Variants in FBXO34 observed in about 807,000 individuals in gnomAD.
The protein encoded by FBXO34 is F-box only protein 34.
Under a neutral mutation model 24.5 loss-of-function variants are expected in FBXO34, and 12 were observed. The ratio of observed to expected loss-of-function variants is 0.49; its 90% CI spans 0.31 to 0.79. The LOEUF is 0.79. FBXO34 is among the 30% of genes least tolerant of loss of function. The pLI, the probability that FBXO34 is intolerant of heterozygous loss-of-function variation, is 0.04. For missense variants in FBXO34, 823 were observed against 857.7 expected (o/e 0.96, Z 0.51); for synonymous variants, 320 against 311.9 (o/e 1.03, Z -0.27).
At chr14:55,385,726 G>C in the FBXO34 span, 2 of 853,124 alleles carry the variant, frequency 2.3e-6, no homozygotes, top group South Asian at 3.6e-5. Flanking sequence ...TGTTGAAACA[G>C]ATAAGACTTA....
chr14:55,327,130 A>G (rs1373471275), intron 1 of FBXO34, among the ~76,000 whole-genome samples: 2 of 152,214 alleles, frequency 1.3e-5, no homozygotes, highest in African/African-American at 4.8e-5. Context: ...CTAAGATGAC[A>G]TTGAGCAAAA....
the FBXO34 span, among the ~76,000 whole-genome samples, chr14:55,403,833 A>G: frequency 3.3e-5 from 5 of 152,194 alleles, no homozygotes; most frequent in African/African-American, 1.2e-4. Context: ...TATTTCTACA[A>G]TGTTTGAGCT....
chr14:55,410,120 T>A, the FBXO34 span, among the ~76,000 whole-genome samples: 2 of 152,226 alleles, frequency 1.3e-5, no homozygotes, highest in Non-Finnish European at 2.9e-5. Flanking sequence ...AGATTGACAT[T>A]TACTGGGTTG....
At chr14:55,411,648 C>G in the FBXO34 span, 1 of 1,613,272 alleles carries the variant, frequency 6.2e-7, no homozygotes, top group Admixed American at 1.7e-5. Flanking sequence ...CCGCTCTGAA[C>G]GCATTTGGCG....
At chr14:55,411,942 G>GC in the FBXO34 span, 1 of 894,458 alleles carries the variant, frequency 1.1e-6, no homozygotes, top group Non-Finnish European at 1.7e-6. Context: ...GGACCCCTCC[G>GC]CCGCCGCGTG....
intron 1 of FBXO34, among the ~76,000 whole-genome samples, chr14:55,276,850 T>C (rs1201599639): frequency 6.6e-6 from 1 of 152,154 alleles, no homozygotes; most frequent in Admixed American, 6.6e-5. Context: ...AATTGCATTC[T>C]TGGATGTGCT....
the FBXO34 span, among the ~76,000 whole-genome samples, chr14:55,387,429 G>GC: frequency 2.6e-5 from 4 of 152,006 alleles, no homozygotes; most frequent in Non-Finnish European, 4.4e-5. Context: ...ATTCAGGAAG[G>GC]CCCCCCTCCA....
chr14:55,276,339 A>G (rs996137970), intron 1 of FBXO34, among the ~76,000 whole-genome samples: 4 of 152,080 alleles, frequency 2.6e-5, no homozygotes, highest in South Asian at 2.1e-4. Context: ...CACCACCCCT[A>G]TATTGTTAGT....
the FBXO34 span, among the ~76,000 whole-genome samples, chr14:55,375,555 G>A: frequency 3.5e-5 from 5 of 144,682 alleles, no homozygotes; most frequent in African/African-American, 7.7e-5. Flanking sequence ...TGTTGCCCAG[G>A]CTGGTCTTGA....
downstream of FBXO34, chr14:55,368,970 AAAG>A (rs1299546507): frequency 1.3e-5 from 2 of 152,604 alleles, no homozygotes; most frequent in African/African-American, 2.4e-5. Flanking sequence ...TGTGGGTCCT[AAAG>A]AAAAAGACTT....
At chr14:55,298,227 T>A (rs1230006782) in intron 1 of FBXO34, among the ~76,000 whole-genome samples, 1 of 152,102 alleles carries the variant, frequency 6.6e-6, no homozygotes, top group Non-Finnish European at 1.5e-5. Context: ...GCGTTTTTTT[T>A]TAAGCTCATC....
chr14:55,336,965 CTT>C (rs983138743), intron 1 of FBXO34, among the ~76,000 whole-genome samples: 16 of 133,204 alleles, frequency 1.2e-4, no homozygotes, highest in Non-Finnish European at 2.0e-4. Flanking sequence ...TCTCTTCACT[CTT>C]TTTTTTATTT....
At chr14:55,300,030 A>G (rs1317849801) in intron 1 of FBXO34, among the ~76,000 whole-genome samples, 1 of 152,214 alleles carries the variant, frequency 6.6e-6, no homozygotes, top group Admixed American at 6.5e-5. Flanking sequence ...CTTGTCTTTT[A>G]AAGATACAGA....
intron 1 of FBXO34, among the ~76,000 whole-genome samples, chr14:55,293,414 C>T (rs186455575): frequency 4.9e-4 from 74 of 152,274 alleles, no homozygotes; most frequent in Non-Finnish European, 9.0e-4. Flanking sequence ...GAACTTTGAC[C>T]TCAAGGGTTC....
intron 1 of FBXO34, among the ~76,000 whole-genome samples, chr14:55,331,755 A>G (rs1183736009): frequency 1.7e-5 from 1 of 60,308 alleles, no homozygotes; most frequent in African/African-American, 2.2e-4. Context: ...GTATATATAT[A>G]TATATGTATA....
chr14:55,362,507 G>C (rs895054261), downstream of FBXO34, among the ~76,000 whole-genome samples: 2 of 152,048 alleles, frequency 1.3e-5, no homozygotes, highest in African/African-American at 4.8e-5. Context: ...GTGTGACAAA[G>C]CAAAGCGCAA....
At chr14:55,397,586 C>G in the FBXO34 span, 2 of 646,582 alleles carry the variant, frequency 3.1e-6, no homozygotes, top group East Asian at 2.7e-5. Context: ...GGGGTGCACA[C>G]AACTGCTAAC....
chr14:55,322,670 A>G (rs1291474311), intron 1 of FBXO34, among the ~76,000 whole-genome samples: 2 of 152,046 alleles, frequency 1.3e-5, no homozygotes, highest in Admixed American at 1.3e-4. Context: ...TGCATATTGC[A>G]AATATTATTG....
At chr14:55,357,335 A>G (rs1240325452), downstream of FBXO34, among the ~76,000 whole-genome samples, 1 of 152,230 alleles carries the variant, frequency 6.6e-6, no homozygotes, top group Non-Finnish European at 1.5e-5. Context: ...AGCCCATGTA[A>G]GAGGTGATGT....
Sources: allele counts gnomAD v4.1 joint callset (sites outside exome capture counted in the v4.1 genomes callset), GRCh38; gene constraint gnomAD v4.1.1; transcripts MANE v1.5; gene names NCBI Gene and HGNC (gene_info 2026-07-23, HGNC 2026-07-21).